The following ANO2 variants were observed in gnomAD, a reference collection of about 807,000 sequenced individuals.
ANO2 encodes the protein anoctamin 2.
Under a neutral mutation model 124.2 loss-of-function variants are expected in ANO2, and 101 were observed. The observed-to-expected ratio is 0.81, with a 90% CI of 0.69 to 0.96. The LOEUF (loss-of-function observed/expected upper bound fraction) is 0.96. Among genes scored for constraint, ANO2 ranks in the 40% least tolerant of loss-of-function variants. The pLI, the probability that ANO2 is intolerant of heterozygous loss-of-function variation, is 0.00. For synonymous variants in ANO2, 486 were observed against 482.5 expected (o/e 1.01, Z -0.09); for missense variants, 1,293 against 1,274.5 (o/e 1.01, Z -0.22).
intron 14 of ANO2, among the ~76,000 whole-genome samples, chr12:5,715,403 TTTC>T (rs1349846150): frequency 6.6e-6 from 1 of 152,230 alleles, no homozygotes; most frequent in African/African-American, 2.4e-5. Flanking sequence ...CAGAATTCTC[TTTC>T]TTCATTAGTG....
At chr12:5,813,516 C>T (rs1204848343) in intron 7 of ANO2, among the ~76,000 whole-genome samples, 1 of 152,150 alleles carries the variant, frequency 6.6e-6, no homozygotes, top group East Asian at 1.9e-4. Flanking sequence ...GATTCTGATG[C>T]CAATTACATG....
intron 14 of ANO2, among the ~76,000 whole-genome samples, chr12:5,697,957 G>A (rs1949254350): frequency 6.6e-6 from 1 of 152,232 alleles, no homozygotes; most frequent in South Asian, 2.1e-4. Context: ...AAGCAGCCAG[G>A]AAGCTCAAAC....
intron 14 of ANO2, among the ~76,000 whole-genome samples, chr12:5,671,891 G>C (rs1271611993): frequency 1.3e-5 from 2 of 152,166 alleles, no homozygotes; most frequent in Non-Finnish European, 2.9e-5. Flanking sequence ...AGCTCTTGCA[G>C]CAACACATTG....
chr12:5,851,935 T>C (rs559656104), intron 4 of ANO2: 9 of 741,676 alleles, frequency 1.2e-5, no homozygotes, highest in South Asian at 8.6e-5. Flanking sequence ...AATCATAACA[T>C]GGGCATTAGA....
intron 3 of ANO2, among the ~76,000 whole-genome samples, chr12:5,864,152 T>C (rs1037819840): frequency 6.6e-6 from 1 of 152,082 alleles, no homozygotes; most frequent in Admixed American, 6.5e-5. Flanking sequence ...AAAAAAATCA[T>C]AGCTGAGCCC....
In ANO2 at chr12:5,744,431, C is replaced by A. The variant is rs570752282; in HGVS notation, c.1191-114G>T. 5.5e-5 allele frequency: 63 copies of A among 1,137,412 alleles called. 1 individual carries two copies. In the South Asian group the frequency reaches 8.4e-4, roughly 15 times the overall value. The allele number at this position is 1,137,412 out of a possible 1,614,324, so 70.5% of individuals were successfully genotyped here. A position where few individuals can be genotyped will look rare whatever the true frequency, so the allele number is the denominator to read the frequency against. On this transcript the variant is annotated intron_variant, in intron 11 of 24. Coordinates refer to ENST00000682330, the MANE Select transcript of ANO2 (RefSeq NM_001364791.2). ...AAATCTATGGTTGAGTTTTTCAACT[C>A]CATAAGTAAGGAATGTTAAAGAAGT...
At chr12:5,763,706 C>G (rs376910583) in intron 10 of ANO2, among the ~76,000 whole-genome samples, 3 of 151,804 alleles carry the variant, frequency 2.0e-5, no homozygotes, top group Non-Finnish European at 4.4e-5. Flanking sequence ...TAAAGCTATG[C>G]GTAGAGAGAT....
At chr12:5,577,866 G>T (rs1942502222) in intron 22 of ANO2, 89 bp downstream of exon 22, 1 of 1,334,354 alleles carries the variant, frequency 7.5e-7, no homozygotes, top group Non-Finnish European at 1.0e-6. Flanking sequence ...AGGCTGGGAG[G>T]TGCAAGGGCT....
rs180850598 is a variant in ANO2 at position 5,906,750 on chromosome 12, G to A, written c.534+14290C>T. Among the ~76,000 whole-genome samples, 354 of 151,790 alleles carry A rather than the reference G, an allele frequency of 2.3e-3. 1 individual carries two copies. The highest frequency in any genetic ancestry group is 7.7e-3 in the African/African-American group (316 of 41,298). On this transcript the variant is annotated intron_variant, in intron 3 of 24. Transcript: ENST00000682330. ...GTGGAGGTTGCAGTGAGCCAAGATCGCACCACTGCACTCCAGCCTGGTGAC... is the reference window on the plus strand; with the variant it reads ...GTGGAGGTTGCAGTGAGCCAAGATCACACCACTGCACTCCAGCCTGGTGAC...
chr12:5,610,601 TTATATTTATATATGTA>T (rs1262610077), intron 19 of ANO2, among the ~76,000 whole-genome samples: 5 of 142,828 alleles, frequency 3.5e-5, no homozygotes, highest in African/African-American at 5.1e-5. Context: ...ATAAATATAT[TTATATTTATATATGTA>T]TATATTTATA....
At chr12:5,943,158 T>G (rs970133840) in intron 1 of ANO2, among the ~76,000 whole-genome samples, 1 of 152,164 alleles carries the variant, frequency 6.6e-6, no homozygotes, top group African/African-American at 2.4e-5. Context: ...AAAAGACACA[T>G]GCACATGTAT....
intron 4 of ANO2, among the ~76,000 whole-genome samples, chr12:5,849,011 A>G (rs1208173445): frequency 6.6e-6 from 1 of 152,144 alleles, no homozygotes; most frequent in Non-Finnish European, 1.5e-5. Context: ...CGTTTTGGAG[A>G]TGCATGGAGC....
intron 3 of ANO2, among the ~76,000 whole-genome samples, chr12:5,860,250 C>T (rs1192735006): frequency 6.6e-6 from 1 of 152,152 alleles, no homozygotes; most frequent in Non-Finnish European, 1.5e-5. Context: ...CTTCCTGAGC[C>T]GTGGATTATG....
intron 1 of ANO2, among the ~76,000 whole-genome samples, chr12:5,943,237 G>A (rs1421213150): frequency 7.3e-5 from 11 of 151,654 alleles, no homozygotes; most frequent in Admixed American, 7.2e-4. Context: ...ACTAAAAAGT[G>A]AATAAAGAAA....
chr12:5,733,444 T>C (rs1002284182), intron 13 of ANO2, among the ~76,000 whole-genome samples: 4 of 152,168 alleles, frequency 2.6e-5, no homozygotes, highest in African/African-American at 4.8e-5. Context: ...TTCCTTACGG[T>C]TTCCAGCTCA....
At chr12:5,801,254 C>T (rs1953029500) in intron 9 of ANO2, among the ~76,000 whole-genome samples, 2 of 152,180 alleles carry the variant, frequency 1.3e-5, no homozygotes, top group South Asian at 2.1e-4. Flanking sequence ...AGGACTAACA[C>T]GTGTCTCACT....
intron 3 of ANO2, among the ~76,000 whole-genome samples, chr12:5,883,455 C>T (rs887317470): frequency 2.6e-5 from 4 of 151,796 alleles, no homozygotes; most frequent in South Asian, 2.1e-4. Context: ...GGAAATAGCA[C>T]AAATCCTAGG....
intron 10 of ANO2, among the ~76,000 whole-genome samples, chr12:5,773,431 A>G (rs1952141726): frequency 6.6e-6 from 1 of 152,198 alleles, no homozygotes; most frequent in East Asian, 1.9e-4. Context: ...CTTGTCCAAA[A>G]TCACCACCAA....
intron 4 of ANO2, chr12:5,851,973 A>G (rs1393653867): frequency 4.1e-6 from 3 of 736,784 alleles, no homozygotes; most frequent in South Asian, 2.9e-5. Context: ...TCCAAGGATC[A>G]GCAGCAGAGA....
Sources: allele counts gnomAD v4.1 joint callset (sites outside exome capture counted in the v4.1 genomes callset), GRCh38; gene constraint gnomAD v4.1.1; transcripts MANE v1.5; gene names NCBI Gene and HGNC (gene_info 2026-07-23, HGNC 2026-07-21).